ING3: variants seen among roughly 807,000 people sequenced by gnomAD.
ING3 encodes inhibitor of growth family member 3.
ING3 carries 6 observed loss-of-function variants against 64.8 expected under a neutral mutation model. That is an observed-to-expected ratio of 0.09 (90% CI 0.05 to 0.18). The LOEUF is 0.18. Among genes scored for constraint, ING3 ranks in the 10% least tolerant of loss-of-function variants. The pLI is 1.00. For synonymous variants in ING3, 170 were observed against 173.7 expected (o/e 0.98, Z 0.17); for missense variants, 310 against 489.7 (o/e 0.63, Z 3.46).
intron 11 of ING3, among the ~76,000 whole-genome samples, chr7:120,973,624 G>C (rs1796097886): frequency 6.6e-6 from 1 of 152,098 alleles, no homozygotes; most frequent in South Asian, 2.1e-4. Flanking sequence ...CTAAAGTGAA[G>C]GGTGGGATAA....
At chr7:120,956,620 AT>A in intron 4 of ING3, 1 of 988,182 alleles carries the variant, frequency 1.0e-6, no homozygotes, top group Non-Finnish European at 1.2e-6. Context: ...TCTGAAAAAA[AT>A]TTCATAAAAG....
In ING3 at chr7:120,974,975, C is replaced by A; in HGVS notation, c.*131C>A. Reference sequence around the variant, plus strand: ...CACTTAAAGGATTTACATAGACAATCCTATAAGATCTTGAACTTGAATTTT... The same window carrying A: ...CACTTAAAGGATTTACATAGACAATACTATAAGATCTTGAACTTGAATTTT... On this transcript the variant is annotated 3_prime_UTR_variant, in exon 12 of 12. Coordinates refer to ENST00000315870, the MANE Select transcript of ING3 (RefSeq NM_019071.3). 1.9e-6 allele frequency: 1 copy of A among 538,972 alleles called. No homozygotes were observed. The highest frequency in any genetic ancestry group is 3.2e-6 in the Non-Finnish European group (1 of 308,878). The allele number at this position is 538,972 out of a possible 1,614,324, so 33.4% of individuals were successfully genotyped here. A position where few individuals can be genotyped will look rare whatever the true frequency, so the allele number is the denominator to read the frequency against.
Position 120,955,616 on chromosome 7 carries a change from T to C in ING3, c.259T>C (p.Tyr87His). 3 of 1,602,210 alleles carry C rather than the reference T, an allele frequency of 1.9e-6. No homozygotes were observed. Among genetic ancestry groups the C allele is most frequent in the Non-Finnish European group, 2.6e-6 (3 of 1,169,248 alleles). ...DEKVQLANQIYDLVDRHLRKL... is the reference protein window; with the variant it reads ...DEKVQLANQIHDLVDRHLRKL... ...GAAGGTTCAGTTGGCAAACCAGATA[T>C]ATGACTTGGTAAGTAAAAGTAATGT... Residue 87 changes from tyrosine to histidine, a missense_variant, in exon 4 of 12, where the codon TAT becomes CAT. Tyr to His is a moderately conservative substitution (Grantham distance 83). Coordinates refer to ENST00000315870, the MANE Select transcript of ING3 (RefSeq NM_019071.3).
intron 2 of ING3, among the ~76,000 whole-genome samples, chr7:120,951,974 C>T (rs974759894): frequency 2.0e-5 from 3 of 152,182 alleles, no homozygotes; most frequent in East Asian, 1.9e-4. Flanking sequence ...AAGAACCTGT[C>T]CTTTTCACTG....
At chr7:120,957,317 A>T (rs1359081193) in intron 4 of ING3, among the ~76,000 whole-genome samples, 1 of 151,634 alleles carries the variant, frequency 6.6e-6, no homozygotes, top group African/African-American at 2.4e-5. Flanking sequence ...GCTTGCAGTG[A>T]GCAGAGATCG....
At chr7:120,970,438 C>A (rs1188656984) in intron 9 of ING3, among the ~76,000 whole-genome samples, 2 of 148,298 alleles carry the variant, frequency 1.3e-5, no homozygotes, top group Non-Finnish European at 3.0e-5. Flanking sequence ...GCACTCCAGT[C>A]TGGGCAACAG....
At chr7:120,956,417 T>C (rs1203863338) in intron 4 of ING3, 2 of 1,253,518 alleles carry the variant, frequency 1.6e-6, no homozygotes, top group African/African-American at 3.1e-5. Flanking sequence ...AACAAGTACG[T>C]GTAAGTAAAA....
At chr7:120,959,247 G>A (rs929783982) in intron 4 of ING3, among the ~76,000 whole-genome samples, 2 of 152,104 alleles carry the variant, frequency 1.3e-5, no homozygotes, top group African/African-American at 4.8e-5. Flanking sequence ...TGCCAAGAGG[G>A]CCAGGAAGAA....
rs979539441 is a variant in ING3, at chr7:120,977,211, C to A, written c.*2367C>A. Reference sequence around the variant, plus strand: ...AAGCAATAAATGGCTTAATTAAATGCCAAAATGAGGCTGAGTGTTTGATAA... The same window carrying A: ...AAGCAATAAATGGCTTAATTAAATGACAAAATGAGGCTGAGTGTTTGATAA... On this transcript the variant is annotated 3_prime_UTR_variant, in exon 12 of 12. Coordinates refer to ENST00000315870, the MANE Select transcript of ING3 (RefSeq NM_019071.3). 3 of 152,090 alleles carry A rather than the reference C, an allele frequency of 2.0e-5. No individual in the cohort carries two copies. The highest frequency in any genetic ancestry group is 7.2e-5 in the African/African-American group (3 of 41,398). 9.4% of individuals were successfully genotyped at this position (152,090 alleles called of 1,614,324 possible).
In ING3 at chr7:120,976,837, A is replaced by C. The variant is rs984655850; in HGVS notation, c.*1993A>C. On this transcript the variant is annotated 3_prime_UTR_variant, in exon 12 of 12. Coordinates refer to ENST00000315870, the MANE Select transcript of ING3 (RefSeq NM_019071.3). ...GACAAGTTTTAAACTCAAACACTGAATATTTTATGAAGCATGTGTAAAGAA... is the reference window on the plus strand; with the variant it reads ...GACAAGTTTTAAACTCAAACACTGACTATTTTATGAAGCATGTGTAAAGAA... 6.6e-5 allele frequency: 10 copies of C among 152,324 alleles called. No homozygotes were observed. The highest frequency in any genetic ancestry group is 2.2e-4 in the African/African-American group (9 of 41,578). 9.4% of individuals were successfully genotyped at this position (152,324 alleles called of 1,614,324 possible).
At position 120,968,026 on chromosome 7, in the gene ING3, T is replaced by C. The variant is rs751727977; in HGVS notation, c.649T>C (p.Ser217Pro). The change falls in exon 8 of 12, where the codon TCT becomes CCT. Residue 217 changes from serine to proline, a missense_variant. Ser to Pro is a moderately conservative substitution (Grantham distance 74). Transcript: ENST00000315870. ...GGGATCCTATAACATTGGCTCGTTA[T>C]CTTCAGGAACTGGTGCAGGGGCAAT... ...PLGSYNIGSL[S>P]SGTGAGAITM... 15 of 1,614,158 alleles carry C rather than the reference T, an allele frequency of 9.3e-6. No individual in the cohort carries two copies. In the South Asian group the frequency reaches 1.4e-4, roughly 15 times the overall value.
In ING3 at chr7:120,976,741, C is replaced by G. The variant is rs1427825097; in HGVS notation, c.*1897C>G. On this transcript the variant is annotated 3_prime_UTR_variant, in exon 12 of 12. Transcript: ENST00000315870. The stretch of plus-strand genomic sequence containing the variant: ...GTTCTTTGTCTGAGTCAGGAACATC[C>G]TGTTATCCAGCTGCTACATCCCCTT... 2.0e-5 allele frequency: 3 copies of G among 152,144 alleles called. No individual in the cohort carries two copies. Among genetic ancestry groups the G allele is most frequent in the African/African-American group, 7.2e-5 (3 of 41,444 alleles). The allele number at this position is 152,144 out of a possible 1,614,324, so 9.4% of individuals were successfully genotyped here. A position where few individuals can be genotyped will look rare whatever the true frequency, so the allele number is the denominator to read the frequency against.
chr7:120,967,849 G>A (rs1796016034), intron 7 of ING3, 85 bp from the exon 8 acceptor site: 3 of 1,402,714 alleles, frequency 2.1e-6, no homozygotes, highest in Admixed American at 1.9e-5. Flanking sequence ...ATGATTATAT[G>A]TCTGTGCTGG....
intron 5 of ING3, among the ~76,000 whole-genome samples, chr7:120,965,475 AATAG>A (rs1795985656): frequency 6.6e-6 from 1 of 152,192 alleles, no homozygotes; most frequent in African/African-American, 2.4e-5. Flanking sequence ...CTTCAACCTA[AATAG>A]GTAATGTACA....
At chr7:120,968,845 CAAAA>C (rs377274991) in intron 8 of ING3, among the ~76,000 whole-genome samples, 162 bp from the exon 9 acceptor site, 4 of 59,304 alleles carry the variant, frequency 6.7e-5, no homozygotes, top group Non-Finnish European at 1.0e-4. Context: ...AACTCCACCT[CAAAA>C]AAAAAAAAAA....
intron 9 of ING3, 62 bp from the exon 10 acceptor site, chr7:120,970,626 A>C: frequency 6.6e-7 from 1 of 1,504,784 alleles, no homozygotes; most frequent in Non-Finnish European, 9.1e-7. Context: ...CTATTTATTT[A>C]GGAGTTATTC....
At chr7:120,965,772 G>C (rs1484378282) in intron 5 of ING3, among the ~76,000 whole-genome samples, 1 of 152,116 alleles carries the variant, frequency 6.6e-6, no homozygotes. Flanking sequence ...GTGTTCAAAA[G>C]TAGATCCATC....
At position 120,975,887 on chromosome 7, in the gene ING3, A is replaced by C. The variant is rs1019429005; in HGVS notation, c.*1043A>C. On this transcript the variant is annotated 3_prime_UTR_variant, in exon 12 of 12. Coordinates refer to ENST00000315870, the MANE Select transcript of ING3 (RefSeq NM_019071.3). ...AAGAACATCATCTGGCTTTTCCTTC[A>C]GTCTAAAAGACATGAAAGAAGTGTA... 2.6e-5 allele frequency: 4 copies of C among 152,202 alleles called. No individual in the cohort carries two copies. The highest frequency in any genetic ancestry group is 6.5e-5 in the Admixed American group (1 of 15,274). 9.4% of individuals were successfully genotyped at this position (152,202 alleles called of 1,614,324 possible). A position where few individuals can be genotyped will look rare whatever the true frequency, so the allele number is the denominator to read the frequency against.
At chr7:120,974,030 C>T (rs1199317008) in intron 11 of ING3, among the ~76,000 whole-genome samples, 1 of 152,082 alleles carries the variant, frequency 6.6e-6, no homozygotes, top group East Asian at 1.9e-4. Context: ...GTCTAGAATC[C>T]CTTGTAGGCT....
Sources: allele counts gnomAD v4.1 joint callset (sites outside exome capture counted in the v4.1 genomes callset), GRCh38; gene constraint gnomAD v4.1.1; transcripts MANE v1.5; gene names NCBI Gene and HGNC (gene_info 2026-07-23, HGNC 2026-07-21).